TASOR: variants seen among roughly 807,000 people sequenced by gnomAD.
TASOR encodes the protein transcription activation suppressor.
Under a neutral mutation model 178.6 loss-of-function variants are expected in TASOR, and 53 were observed. That is an observed-to-expected ratio of 0.30 (90% CI 0.24 to 0.37). The LOEUF (loss-of-function observed/expected upper bound fraction) is 0.37. Ranked by LOEUF, TASOR falls within the 10% of genes least tolerant of loss-of-function variation. The pLI is 1.00. For synonymous variants in TASOR, 713 were observed against 696.2 expected, an observed-to-expected ratio of 1.02 and a Z score of -0.38; for missense variants, 1,815 against 1,971.4, an observed-to-expected ratio of 0.92 and a Z score of 1.50.
In TASOR at chr3:56,668,459, C is replaced by T. The variant is rs752197622; in HGVS notation, c.835G>A (p.Val279Met). Residue 279 changes from valine to methionine, a missense_variant, in exon 6 of 24, where the codon GTG (valine) becomes ATG (methionine). This residue lies in a region of TASOR where 504 missense variants were observed against 645.3 expected (regional missense o/e 0.78). Transcript: ENST00000683822. ...LDPTPKHECH[V>M]SKNANRITSL... ...GTAATTCGATTGGCATTCTTTGACA[C>T]GTGACATTCATGCTTTGGTGTGGGG... 7.1e-6 allele frequency: 11 copies of T among 1,551,652 alleles called. No individual in the cohort carries two copies. In the South Asian group the frequency reaches 9.5e-5, roughly 13 times the overall value.
chr3:56,673,516 T>G, intron 2 of TASOR, 64 bp downstream of exon 2: 3 of 1,308,668 alleles, frequency 2.3e-6, no homozygotes, highest in Non-Finnish European at 3.0e-6. Context: ...TAGAGAACAT[T>G]TTTTTCCCAG....
At position 56,633,931 on chromosome 3, in the gene TASOR, G is replaced by A; in HGVS notation, c.2860C>T (p.Pro954Ser). The part of the protein sequence containing the change: ...KSPEEQLVCV[P>S]PQEAFPNDPR... Reference sequence around the variant, plus strand: ...TCGTTAGGAAAGGCCTCCTGTGGTGGCACACACACCAGTTGTTCTTCTGGT... The same window carrying A: ...TCGTTAGGAAAGGCCTCCTGTGGTGACACACACACCAGTTGTTCTTCTGGT... Residue 954 changes from proline (P) to serine (S), a missense_variant, in exon 18 of 24, where the codon CCA becomes TCA. Pro to Ser is a moderately conservative substitution (Grantham distance 74). Around this residue, in one of 5 missense-constraint regions of TASOR, gnomAD observed 655 missense variants for 671.1 expected, o/e 0.98. Coordinates refer to ENST00000683822, the MANE Select transcript of TASOR (RefSeq NM_001365635.2). 6.4e-7 allele frequency: 1 copy of A among 1,555,940 alleles called. No individual in the cohort carries two copies. The highest frequency in any genetic ancestry group is 8.7e-7 in the Non-Finnish European group (1 of 1,149,318).
At position 56,665,517 on chromosome 3, in the gene TASOR, C is replaced by T. The variant is rs146841713; in HGVS notation, c.1022+743G>A. On this transcript the variant is annotated intron_variant, in intron 7 of 23. Transcript: ENST00000683822. ...GACTACAGGCACGTACCACCACATC[C>T]AGCTAATTTTTTTGTAGTTTTAGTA... Among the ~76,000 whole-genome samples the T allele has an allele frequency of 1.2e-4, 19 of 152,128 alleles. No individual in the cohort carries two copies. The East Asian group carries it at 3.8e-3, about 30-fold the overall frequency.
Position 56,667,301 on chromosome 3 carries a change from T to G in TASOR, c.898-917A>C, listed in dbSNP as rs570251740. ...AAAGAAAGAACATTTCCAGGGAAGT[T>G]AACATTACTACTTTTCACAAGCAGT... On this transcript the variant is annotated intron_variant, in intron 6 of 23. Coordinates refer to ENST00000683822, the MANE Select transcript of TASOR (RefSeq NM_001365635.2). Among the ~76,000 whole-genome samples the G allele has an allele frequency of 5.4e-4, 82 of 152,324 alleles. 2 individuals are homozygous for G. In the South Asian group the frequency reaches 0.017, roughly 31 times the overall value.
At chr3:56,629,478 T>TA (rs2076866154) in intron 18 of TASOR, among the ~76,000 whole-genome samples, 2 of 152,306 alleles carry the variant, frequency 1.3e-5, no homozygotes, top group South Asian at 2.1e-4. Context: ...TCACAACAGC[T>TA]AAAAAAGCAT....
At chr3:56,628,961 CAG>C (rs1240305247) in intron 18 of TASOR, 2 of 137,902 alleles carry the variant, frequency 1.5e-5, no homozygotes. Context: ...TTGTAAGAGA[CAG>C]AGTCTTGCTG....
At chr3:56,625,702 T>C (rs1195585647) in intron 21 of TASOR, among the ~76,000 whole-genome samples, 1 of 151,760 alleles carries the variant, frequency 6.6e-6, no homozygotes, top group Non-Finnish European at 1.5e-5. Flanking sequence ...TTTTTTTTTT[T>C]GAGACAGAGT....
intron 14 of TASOR, among the ~76,000 whole-genome samples, chr3:56,643,783 A>G (rs1296093283): frequency 6.6e-6 from 1 of 151,270 alleles, no homozygotes; most frequent in Admixed American, 6.6e-5. Context: ...AAAAAAAGTT[A>G]GAATACAACC....
At chr3:56,651,493 T>G (rs2107589184) in intron 11 of TASOR, among the ~76,000 whole-genome samples, 1 of 151,048 alleles carries the variant, frequency 6.6e-6, no homozygotes, top group African/African-American at 2.4e-5. Flanking sequence ...AAGCCAGGAG[T>G]TGAAGACCAA....
chr3:56,644,145 T>C (rs1328059059), intron 14 of TASOR, among the ~76,000 whole-genome samples: 2 of 152,258 alleles, frequency 1.3e-5, no homozygotes, highest in African/African-American at 4.8e-5. Context: ...CAGTCAGAAC[T>C]GACTTCGGAT....
intron 17 of TASOR, among the ~76,000 whole-genome samples, chr3:56,638,063 A>T (rs971526784): frequency 1.3e-5 from 2 of 152,176 alleles, no homozygotes; most frequent in African/African-American, 4.8e-5. Context: ...GCTATTTTTT[A>T]AAAATTTAAA....
chr3:56,669,925 T>G, intron 4 of TASOR, 134 bp from the exon 5 acceptor site: 1 of 869,392 alleles, frequency 1.2e-6, no homozygotes, highest in Non-Finnish European at 1.8e-6. Context: ...ATAAAACTGA[T>G]CTTACATTTC....
chr3:56,627,486 T>C (rs749397133), intron 20 of TASOR, 96 bp downstream of exon 20: 2 of 1,307,124 alleles, frequency 1.5e-6, no homozygotes, highest in Admixed American at 3.9e-5. Flanking sequence ...GACTGAAATG[T>C]ACTAGTTATC....
At chr3:56,653,272 AAAAAAAAAAAAAAAAAAG>A (rs1413125490) in intron 11 of TASOR, among the ~76,000 whole-genome samples, 9 of 117,768 alleles carry the variant, frequency 7.6e-5, no homozygotes, top group African/African-American at 3.1e-4. Flanking sequence ...CAAAAAAAAA[AAAAAAAAAAAAAAAAAAG>A]AAAAGACAAG....
chr3:56,625,064 T>C (rs777887663), intron 21 of TASOR, 58 bp from the exon 22 acceptor site: 2 of 1,537,624 alleles, frequency 1.3e-6, no homozygotes, highest in Admixed American at 1.9e-5. Flanking sequence ...AGTATGGAAA[T>C]TTCTGCTTTA....
chr3:56,648,733 A>C, intron 13 of TASOR, 89 bp downstream of exon 13: 1 of 887,832 alleles, frequency 1.1e-6, no homozygotes, highest in Non-Finnish European at 1.7e-6. Context: ...GAGGTAAGAA[A>C]GACAAAATGT....
Position 56,671,819 on chromosome 3 carries a change from ACT to A in TASOR, c.478-129_478-128del, listed in dbSNP as rs544063574. On this transcript the variant is annotated intron_variant, in intron 2 of 23. Coordinates refer to ENST00000683822, the MANE Select transcript of TASOR (RefSeq NM_001365635.2). ...GGAAAAATAATCTCTATCTCTCTAT[ACT>A]CTCTGTCCTTCAGTTTTTCCCCTAT... 35 of 595,932 alleles carry A rather than the reference ACT, an allele frequency of 5.9e-5. No individual in the cohort carries two copies. The East Asian group carries it at 1.0e-3, about 18-fold the overall frequency. 36.9% of individuals were successfully genotyped at this position (595,932 alleles called of 1,614,324 possible).
At chr3:56,623,592 C>T (rs1372208731) in intron 23 of TASOR, 26 bp from the exon 24 acceptor site, 1 of 1,551,306 alleles carries the variant, frequency 6.4e-7, no homozygotes, top group African/African-American at 1.4e-5. Flanking sequence ...AAAAAGTCCT[C>T]CTCTATTGAA....
In TASOR at chr3:56,682,879, C is replaced by A; in HGVS notation, c.128G>T (p.Gly43Val). ...GGGCTCAGCGATGTTGAGGCCGCCG[C>A]CGCCGCCATTTTGTTGGGAGGACTC... The part of the protein sequence containing the change: ...ELESSQQNGG[G>V]GGLNIAEPSG... The change falls in exon 1 of 24, where the codon GGC becomes GTC. Residue 43 changes from glycine (G) to valine (V), a missense_variant. By Grantham distance (109) the Gly-to-Val change is moderately radical. Around this residue, in one of 5 missense-constraint regions of TASOR, gnomAD observed 244 missense variants for 202.7 expected, o/e 1.20. Coordinates refer to ENST00000683822, the MANE Select transcript of TASOR (RefSeq NM_001365635.2). The A allele has an allele frequency of 6.5e-6, 10 of 1,539,626 alleles. No individual in the cohort carries two copies. The highest frequency in any genetic ancestry group is 7.9e-6 in the Non-Finnish European group (9 of 1,137,710).
Sources: gnomAD v4.1 joint callset for allele counts (sites outside exome capture counted in the v4.1 genomes callset) on GRCh38, gnomAD v4.1.1 for gene constraint, gnomAD v4.1.1 regional missense constraint, MANE v1.5 for transcripts, NCBI Gene and HGNC (gene_info 2026-07-23, HGNC 2026-07-21) for gene names.